ELAVL1: variants seen among roughly 807,000 people sequenced by gnomAD.
ELAVL1 encodes the protein ELAV like RNA binding protein 1, also known as ELAV-like protein 1.
A neutral mutation model predicts 28.4 loss-of-function variants in ELAVL1; 1 was observed. The observed-to-expected ratio is 0.04, with a 90% CI of 0.01 to 0.17. The LOEUF (loss-of-function observed/expected upper bound fraction) is 0.17, where lower values mean the gene tolerates loss of function less well. ELAVL1 is among the 10% of genes least tolerant of loss of function. The pLI, the probability that ELAVL1 is intolerant of heterozygous loss-of-function variation, is 1.00. For missense variants in ELAVL1, 157 were observed against 447.2 expected, an observed-to-expected ratio of 0.35 and a Z score of 5.85; for synonymous variants, 174 against 183.5, an observed-to-expected ratio of 0.95 and a Z score of 0.42.
Position 7,979,485 on chromosome 19 carries a change from G to A in ELAVL1, c.276+1598C>T, listed in dbSNP as rs1441478518. ...AACAGCTGTGCAGGAATAATCAAGC[G>A]TTCTGCTCCACACCTCAGCCTGGCT... On this transcript the variant is annotated intron_variant, in intron 3 of 5. Transcript: ENST00000407627. The surrounding 1 kb of genome is among the most constrained non-coding windows in gnomAD (Gnocchi z 5.4). Among the ~76,000 whole-genome samples, 6 of 152,220 alleles carry A rather than the reference G, an allele frequency of 3.9e-5. No individual in the cohort carries two copies. The highest frequency in any genetic ancestry group is 1.2e-4 in the African/African-American group (5 of 41,456).
intron 5 of ELAVL1, among the ~76,000 whole-genome samples, chr19:7,966,381 G>A (rs1178317932): frequency 6.6e-6 from 1 of 152,072 alleles, no homozygotes; most frequent in Admixed American, 6.6e-5. Context: ...CTGGCAGCCA[G>A]AACCATTTTC....
intron 2 of ELAVL1, among the ~76,000 whole-genome samples, chr19:7,990,383 A>G (rs954277481): frequency 3.4e-5 from 5 of 146,032 alleles, no homozygotes; most frequent in African/African-American, 1.3e-4. Flanking sequence ...TGCCCAGGCT[A>G]AAGTGTAGAA....
rs776625986 is a variant in ELAVL1 at position 7,963,764 on chromosome 19, C to T, written c.700G>A (p.Val234Ile). Residue 234 changes from valine (V) to isoleucine (I), a missense_variant, in exon 6 of 6, where the codon GTC becomes ATC. Val to Ile is a conservative substitution (Grantham distance 29). Around this residue, in one of 4 missense-constraint regions of ELAVL1, gnomAD observed 107 missense variants for 310.4 expected, o/e 0.34. Transcript: ENST00000407627. This position sits in a 1 kb window ranked among gnomAD's most constrained non-coding sequence, Gnocchi z 4.5. ...GVDHMSGLSG[V>I]NVPGNASSGW... ...GAGGAGGCGTTTCCTGGCACGTTGA[C>T]GCCAGAGAGCCCGCTCATGTGATCG... is the stretch of plus-strand genomic sequence containing the variant. The T allele has an allele frequency of 4.2e-5, 67 of 1,614,134 alleles. No individual in the cohort carries two copies. Among genetic ancestry groups the T allele is most frequent in the Non-Finnish European group, 5.4e-5 (64 of 1,180,040 alleles).
At position 7,981,331 on chromosome 19, in the gene ELAVL1, A is replaced by T. The variant is rs1599671918; in HGVS notation, c.173-145T>A. ...TTTATTTTCTTTGGCAAACACGTAC[A>T]TTTTCTGCAATGAACACAGGTTCCT... On this transcript the variant is annotated intron_variant, in intron 2 of 5. Transcript: ENST00000407627. The surrounding 1 kb of genome is among the most constrained non-coding windows in gnomAD (Gnocchi z 4.2). The T allele has an allele frequency of 1.5e-6, 1 of 650,328 alleles. No homozygotes were observed. Among genetic ancestry groups the T allele is most frequent in the Non-Finnish European group, 2.7e-6 (1 of 376,130 alleles). 40.3% of individuals were successfully genotyped at this position (650,328 alleles called of 1,614,324 possible).
At chr19:7,974,373 A>G (rs1985219603) in intron 3 of ELAVL1, among the ~76,000 whole-genome samples, 1 of 152,216 alleles carries the variant, frequency 6.6e-6, no homozygotes, top group African/African-American at 2.4e-5. Flanking sequence ...ACTCAAATCC[A>G]CTCAAGTGTT....
Position 7,991,772 on chromosome 19 carries a change from C to T in ELAVL1, c.44G>A (p.Gly15Asp). The T allele has an allele frequency of 6.2e-7, 1 of 1,614,126 alleles. No individual in the cohort carries two copies. The highest frequency in any genetic ancestry group is 1.3e-5 in the African/African-American group (1 of 75,024). The change falls in exon 2 of 6, where the codon GGT (glycine) becomes GAT (aspartate). Residue 15 changes from glycine (G) to aspartate (D), a missense_variant. Gly to Asp is a moderately conservative substitution (Grantham distance 94). Coordinates refer to ENST00000407627, the MANE Select transcript of ELAVL1 (RefSeq NM_001419.3). ...GATCAAATTCGTTCTCCCGATGTCACCCCTGCAGTCTTCGGCCATGTGGTC... is the reference window on the plus strand; with the variant it reads ...GATCAAATTCGTTCTCCCGATGTCATCCCTGCAGTCTTCGGCCATGTGGTC... Reference protein sequence around the residue: ...YEDHMAEDCRGDIGRTNLIVN... With the variant: ...YEDHMAEDCRDDIGRTNLIVN...
At chr19:7,977,488 G>A (rs1481318695) in intron 3 of ELAVL1, among the ~76,000 whole-genome samples, 2 of 152,190 alleles carry the variant, frequency 1.3e-5, no homozygotes, top group Non-Finnish European at 2.9e-5. Flanking sequence ...CTGGCTGTGT[G>A]TGGCACACAG....
intron 1 of ELAVL1, among the ~76,000 whole-genome samples, chr19:8,000,679 CAGTTAT>C (rs1489369850): frequency 6.6e-6 from 1 of 152,244 alleles, no homozygotes. Context: ...CCACCTGACC[CAGTTAT>C]AAATGCCATG....
In ELAVL1 at chr19:7,968,672, G is replaced by A. The variant is rs533184549; in HGVS notation, c.431-882C>T. ...CGGCTAAACCCAATCCCTGGACGGA[G>A]CAGTGTGAGACCTGAGGACCGTCCT... On this transcript the variant is annotated intron_variant, in intron 4 of 5. Coordinates refer to ENST00000407627, the MANE Select transcript of ELAVL1 (RefSeq NM_001419.3). Among the ~76,000 whole-genome samples the A allele has an allele frequency of 1.2e-4, 19 of 152,382 alleles. 1 individual carries two copies. Among genetic ancestry groups the A allele is most frequent in the African/African-American group, 4.6e-4 (19 of 41,598 alleles).
At chr19:7,985,211 C>T (rs1404949650) in intron 2 of ELAVL1, among the ~76,000 whole-genome samples, 2 of 152,244 alleles carry the variant, frequency 1.3e-5, no homozygotes, top group African/African-American at 2.4e-5. Context: ...TGCGCCACCG[C>T]GCCCAGCCTC....
At position 7,981,008 on chromosome 19, in the gene ELAVL1, G is replaced by A; in HGVS notation, c.276+75C>T. ...GCTCATAGTCCCTTGGAGAGTGACT[G>A]TGAGGCTGGGCGGGGCTCAGCACAG... On this transcript the variant is annotated intron_variant, in intron 3 of 5. Coordinates refer to ENST00000407627, the MANE Select transcript of ELAVL1 (RefSeq NM_001419.3). This position sits in a 1 kb window ranked among gnomAD's most constrained non-coding sequence, Gnocchi z 4.2. 2 of 1,446,232 alleles carry A rather than the reference G, an allele frequency of 1.4e-6. No individual in the cohort carries two copies. Among genetic ancestry groups the A allele is most frequent in the Non-Finnish European group, 1.9e-6 (2 of 1,029,732 alleles). 89.6% of individuals were successfully genotyped at this position (1,446,232 alleles called of 1,614,324 possible).
intron 4 of ELAVL1, chr19:7,973,159 G>A (rs1029968066): frequency 6.6e-6 from 1 of 152,664 alleles, no homozygotes; most frequent in African/African-American, 2.4e-5. Flanking sequence ...AGCACATTTG[G>A]GTGCCTGAGG....
chr19:7,981,215 A>T lies in ELAVL1; in HGVS notation c.173-29T>A, dbSNP rs1985452601. The T allele has an allele frequency of 1.2e-6, 2 of 1,612,534 alleles. No homozygotes were observed. The highest frequency in any genetic ancestry group is 3.3e-5 in the Admixed American group (2 of 59,996). ...TGCAAGAGAACATGAAGACATTGGT[A>T]AGCCAACCGTCTGCGAGTGAGGGAC... On this transcript the variant is annotated intron_variant, in intron 2 of 5. Coordinates refer to ENST00000407627, the MANE Select transcript of ELAVL1 (RefSeq NM_001419.3). The surrounding 1 kb of genome is among the most constrained non-coding windows in gnomAD (Gnocchi z 4.2).
intron 2 of ELAVL1, among the ~76,000 whole-genome samples, chr19:7,984,656 G>A (rs1272759459): frequency 2.0e-5 from 3 of 152,184 alleles, no homozygotes; most frequent in African/African-American, 7.2e-5. Flanking sequence ...TACAGGCTGA[G>A]CCTTGTGAGT....
At chr19:7,995,617 G>A (rs1366287698) in intron 1 of ELAVL1, among the ~76,000 whole-genome samples, 1 of 152,076 alleles carries the variant, frequency 6.6e-6, no homozygotes, top group Non-Finnish European at 1.5e-5. Flanking sequence ...AGTAGCAACC[G>A]TATGGCCAAA....
chr19:7,966,000 A>G (rs1984945350), intron 5 of ELAVL1, among the ~76,000 whole-genome samples: 1 of 152,178 alleles, frequency 6.6e-6, no homozygotes, highest in African/African-American at 2.4e-5. Context: ...CACCTCTCAC[A>G]GCAGCATGTG....
chr19:8,000,675 G>A (rs2081064783), intron 1 of ELAVL1, among the ~76,000 whole-genome samples: 1 of 152,248 alleles, frequency 6.6e-6, no homozygotes. Flanking sequence ...AGCACCACCT[G>A]ACCCAGTTAT....
intron 4 of ELAVL1, chr19:7,973,323 C>T (rs987571106): frequency 2.6e-5 from 8 of 312,320 alleles, no homozygotes; most frequent in African/African-American, 6.5e-5. Context: ...CTCCGCTTCC[C>T]GGGTTCATGC....
chr19:7,978,386 G>A (rs1985361964), intron 3 of ELAVL1, among the ~76,000 whole-genome samples: 1 of 152,194 alleles, frequency 6.6e-6, no homozygotes, highest in Non-Finnish European at 1.5e-5. Context: ...GGGTGGGGGA[G>A]GGGAAAGGGG....
Sources: allele counts gnomAD v4.1 joint callset (sites outside exome capture counted in the v4.1 genomes callset), GRCh38; gene constraint gnomAD v4.1.1; regional missense constraint gnomAD v4.1.1; non-coding constraint Gnocchi (gnomAD v3.1); transcripts MANE v1.5; gene names NCBI Gene and HGNC (gene_info 2026-07-23, HGNC 2026-07-21).